Variants in CADM2 observed in about 807,000 individuals in gnomAD.
The protein encoded by CADM2 is immunoglobulin superfamily member 4D.
A neutral mutation model predicts 49.8 loss-of-function variants in CADM2; 12 were observed. The ratio of observed to expected loss-of-function variants is 0.24; its 90% confidence interval spans 0.15 to 0.39. CADM2 has a LOEUF of 0.39. Among genes scored for constraint, CADM2 ranks in the 10% least tolerant of loss-of-function variants. The probability of loss-of-function intolerance (pLI) is 1.00; values close to 1 mark genes in which losing one functional copy is unlikely to be tolerated. For missense variants in CADM2, 378 were observed against 492.3 expected, an observed-to-expected ratio of 0.77 and a Z score of 2.20; for synonymous variants, 214 against 175.4, an observed-to-expected ratio of 1.22 and a Z score of -1.74.
intron 1 of CADM2, among the ~76,000 whole-genome samples, chr3:84,965,152 C>T (rs919420763): frequency 5.9e-5 from 9 of 152,142 alleles, no homozygotes; most frequent in African/African-American, 2.2e-4. Flanking sequence ...TAAAAGGACA[C>T]GTTCATTGCC....
At chr3:85,359,664 A>ATTTTTTTT (rs1434535137) in intron 1 of CADM2, among the ~76,000 whole-genome samples, 3 of 30,018 alleles carry the variant, frequency 1.0e-4, no homozygotes, top group African/African-American at 3.0e-4. Flanking sequence ...ATATATATAT[A>ATTTTTTTT]TATTTTTTTT....
At chr3:85,812,505 T>C (rs2072943483) in intron 3 of CADM2, among the ~76,000 whole-genome samples, 2 of 152,160 alleles carry the variant, frequency 1.3e-5, no homozygotes, top group South Asian at 4.1e-4. Flanking sequence ...ACAGGCATCA[T>C]GATAATTTAA....
chr3:85,849,847 C>A (rs2075025120), intron 3 of CADM2, among the ~76,000 whole-genome samples: 1 of 152,080 alleles, frequency 6.6e-6, no homozygotes, highest in African/African-American at 2.4e-5. Context: ...TGTAGTGCTT[C>A]TCAGAGACTT....
chr3:85,515,618 T>C (rs2060878259), intron 1 of CADM2, among the ~76,000 whole-genome samples: 1 of 115,072 alleles, frequency 8.7e-6, no homozygotes, highest in African/African-American at 3.6e-5. Flanking sequence ...CTAATATATA[T>C]ATATATATAT....
At position 85,483,864 on chromosome 3, in the gene CADM2, GTTA is replaced by G. The variant is rs559900538; in HGVS notation, c.62-242649_62-242647del. Among the ~76,000 whole-genome samples, 176 of 151,552 alleles carry G rather than the reference GTTA, an allele frequency of 1.2e-3. 2 individuals are homozygous for G. The highest frequency in any genetic ancestry group is 4.0e-3 in the African/African-American group (164 of 41,454). On this transcript the variant is annotated intron_variant, in intron 1 of 9. Coordinates refer to ENST00000383699, the MANE Select transcript of CADM2 (RefSeq NM_001167675.2). ...ACTATTTTGTAACTGGTTAACAGGA[GTTA>G]TTATTATTTTCTGGCAATTTTTGTC...
intron 3 of CADM2, among the ~76,000 whole-genome samples, chr3:85,806,716 T>C (rs1577354936): frequency 6.6e-6 from 1 of 151,954 alleles, no homozygotes; most frequent in African/African-American, 2.4e-5. Flanking sequence ...GCCTGGGTGA[T>C]AGAGTGAGGC....
rs913710206 is a variant in CADM2, at chr3:85,768,172, C to T, written c.89-33875C>T. 3.9e-5 allele frequency among the ~76,000 whole-genome samples: 6 copies of T among 152,030 alleles called. No homozygotes were observed. The South Asian group carries it at 8.3e-4, about 21-fold the overall frequency. On this transcript the variant is annotated intron_variant, in intron 2 of 9. Coordinates refer to ENST00000383699, the MANE Select transcript of CADM2 (RefSeq NM_001167675.2). The stretch of plus-strand genomic sequence containing the variant: ...TTTAAAATATATTTTACTGGCCGGG[C>T]GCAGTGGCTCACGCCTGTAATCCCA...
chr3:85,717,431 A>G (rs2067334855), intron 1 of CADM2, among the ~76,000 whole-genome samples: 1 of 152,190 alleles, frequency 6.6e-6, no homozygotes, highest in Non-Finnish European at 1.5e-5. Flanking sequence ...CAATAATGTT[A>G]TCTGCAAACA....
At chr3:85,422,172 A>T in intron 1 of CADM2, among the ~76,000 whole-genome samples, 1 of 100,726 alleles carries the variant, frequency 9.9e-6, no homozygotes, top group East Asian at 6.4e-4. Flanking sequence ...TATGGATTTT[A>T]ATAACAGTCG....
intron 8 of CADM2, among the ~76,000 whole-genome samples, chr3:86,053,596 A>G (rs1737586673): frequency 6.6e-6 from 1 of 152,060 alleles, no homozygotes; most frequent in Admixed American, 6.6e-5. Flanking sequence ...AAGCCAAACA[A>G]TTACTTTTTA....
At chr3:84,967,304 T>G (rs1436334403) in intron 1 of CADM2, among the ~76,000 whole-genome samples, 1 of 152,220 alleles carries the variant, frequency 6.6e-6, no homozygotes, top group Admixed American at 6.5e-5. Context: ...GGCCTAAAAT[T>G]TATAGTGTGT....
intron 1 of CADM2, among the ~76,000 whole-genome samples, chr3:85,162,897 G>A: frequency 6.6e-6 from 1 of 151,950 alleles, no homozygotes; most frequent in South Asian, 2.1e-4. Context: ...TTAAATGACA[G>A]TAATTAGTAT....
intron 1 of CADM2, among the ~76,000 whole-genome samples, chr3:85,303,548 A>G (rs1453548363): frequency 6.6e-6 from 1 of 151,986 alleles, no homozygotes; most frequent in Non-Finnish European, 1.5e-5. Context: ...TTGCTTGTGA[A>G]AAATCTCTAA....
chr3:85,487,779 T>C (rs1472282120), intron 1 of CADM2, among the ~76,000 whole-genome samples: 1 of 151,870 alleles, frequency 6.6e-6, no homozygotes, highest in Non-Finnish European at 1.5e-5. Context: ...CGTGCGTGTG[T>C]GTGTGATGGG....
At chr3:85,783,160 CT>C (rs2070760537) in intron 2 of CADM2, among the ~76,000 whole-genome samples, 1 of 152,050 alleles carries the variant, frequency 6.6e-6, no homozygotes, top group Non-Finnish European at 1.5e-5. Flanking sequence ...TATTCAGACA[CT>C]TTTTTGTTTT....
At chr3:85,292,609 C>A (rs1377808319) in intron 1 of CADM2, among the ~76,000 whole-genome samples, 1 of 151,814 alleles carries the variant, frequency 6.6e-6, no homozygotes, top group African/African-American at 2.4e-5. Flanking sequence ...ACAGTGCAAT[C>A]AAACTAGAAC....
At chr3:84,991,647 T>G (rs1008340458) in intron 1 of CADM2, among the ~76,000 whole-genome samples, 1 of 152,214 alleles carries the variant, frequency 6.6e-6, no homozygotes, top group African/African-American at 2.4e-5. Context: ...ATGAAGTTCC[T>G]TGATGTTTTC....
At chr3:85,992,190 T>G (rs1304038976) in intron 8 of CADM2, 10 of 152,052 alleles carry the variant, frequency 6.6e-5, no homozygotes. Flanking sequence ...GCAAATATTC[T>G]CAGAGATTTT....
At chr3:85,488,808 C>T (rs955698678) in intron 1 of CADM2, among the ~76,000 whole-genome samples, 6 of 152,216 alleles carry the variant, frequency 3.9e-5, no homozygotes, top group Admixed American at 2.0e-4. Flanking sequence ...GGATTACAGG[C>T]GTGAGCCACC....
Sources: gnomAD v4.1 joint callset for allele counts (sites outside exome capture counted in the v4.1 genomes callset) on GRCh38, gnomAD v4.1.1 for gene constraint, MANE v1.5 for transcripts, NCBI Gene and HGNC (gene_info 2026-07-23, HGNC 2026-07-21) for gene names.